Variants in CAMTA1 observed in about 807,000 individuals in gnomAD.
The protein encoded by CAMTA1 is calmodulin binding transcription activator 1, also known as calmodulin-binding transcription activator 1.
Under a neutral mutation model 170.9 loss-of-function variants are expected in CAMTA1, and 27 were observed. The observed-to-expected ratio is 0.16, with a 90% CI of 0.12 to 0.22. The LOEUF (loss-of-function observed/expected upper bound fraction) is 0.22. Among genes scored for constraint, CAMTA1 ranks in the 10% least tolerant of loss-of-function variants. CAMTA1 has a pLI of 1.00. For missense variants in CAMTA1, 1,619 were observed against 2,217.2 expected (o/e 0.73, Z 5.42); for synonymous variants, 833 against 891.5 (o/e 0.93, Z 1.17).
chr1:7,430,745 G>A (rs1227186036), intron 5 of CAMTA1, among the ~76,000 whole-genome samples: 1 of 152,194 alleles, frequency 6.6e-6, no homozygotes, highest in African/African-American at 2.4e-5. Context: ...AGGGAAGCCT[G>A]CTGGAGAGGC....
intron 6 of CAMTA1, among the ~76,000 whole-genome samples, chr1:7,516,571 G>T (rs574478990): frequency 6.6e-6 from 1 of 152,164 alleles, no homozygotes; most frequent in East Asian, 1.9e-4. Flanking sequence ...GCTCCTTGAG[G>T]TTCCTTCCTG....
At chr1:7,587,980 A>G (rs2095325151) in intron 6 of CAMTA1, among the ~76,000 whole-genome samples, 1 of 152,136 alleles carries the variant, frequency 6.6e-6, no homozygotes, top group Non-Finnish European at 1.5e-5. Context: ...CTGGGAGAAC[A>G]GGTCCTTGAT....
At chr1:6,967,481 G>T (rs1484479674) in intron 3 of CAMTA1, among the ~76,000 whole-genome samples, 4 of 152,120 alleles carry the variant, frequency 2.6e-5, no homozygotes, top group African/African-American at 9.7e-5. Context: ...TAGGGTCCTG[G>T]GAGGGTCTTT....
chr1:7,559,114 C>T (rs1490715954), intron 6 of CAMTA1, among the ~76,000 whole-genome samples: 2 of 152,182 alleles, frequency 1.3e-5, no homozygotes, highest in Non-Finnish European at 1.5e-5. Flanking sequence ...AGGAAGGAGG[C>T]GGCAGCTGGC....
At chr1:7,199,220 C>T (rs1328509502) in intron 4 of CAMTA1, among the ~76,000 whole-genome samples, 3 of 152,230 alleles carry the variant, frequency 2.0e-5, no homozygotes, top group African/African-American at 7.2e-5. Flanking sequence ...CCCGCCCCCA[C>T]GCCTCCACCC....
At chr1:6,880,443 G>A (rs1671246973) in intron 3 of CAMTA1, among the ~76,000 whole-genome samples, 1 of 138,866 alleles carries the variant, frequency 7.2e-6, no homozygotes, top group Non-Finnish European at 1.5e-5. Flanking sequence ...AGGCTGGAGT[G>A]CAATAACATG....
intron 5 of CAMTA1, among the ~76,000 whole-genome samples, chr1:7,431,394 G>A (rs1235973395): frequency 1.3e-5 from 2 of 152,210 alleles, no homozygotes; most frequent in Admixed American, 6.5e-5. Flanking sequence ...CTACCCCAGA[G>A]GACCCAGTCA....
intron 4 of CAMTA1, among the ~76,000 whole-genome samples, chr1:7,247,959 G>C (rs1485882720): frequency 2.0e-5 from 3 of 152,196 alleles, no homozygotes; most frequent in African/African-American, 4.8e-5. Flanking sequence ...AGTCGATACA[G>C]ACTTAGGGAG....
At position 7,275,231 on chromosome 1, in the gene CAMTA1, G is replaced by A. The variant is rs145302582; in HGVS notation, c.438+25605G>A. Reference sequence around the variant, plus strand: ...ACATAGAAAATGTATGGAGTACAGGGAAAGCAGATATTAGAAGGAAATTTA... The same window carrying A: ...ACATAGAAAATGTATGGAGTACAGGAAAAGCAGATATTAGAAGGAAATTTA... On this transcript the variant is annotated intron_variant, in intron 5 of 22. Transcript: ENST00000303635. Among the ~76,000 whole-genome samples the A allele has an allele frequency of 3.5e-3, 528 of 151,542 alleles. 3 individuals are homozygous for A. The highest frequency in any genetic ancestry group is 0.012 in the African/African-American group (505 of 41,340).
intron 3 of CAMTA1, among the ~76,000 whole-genome samples, chr1:6,909,651 A>C (rs1314742134): frequency 6.6e-6 from 1 of 152,212 alleles, no homozygotes; most frequent in Non-Finnish European, 1.5e-5. Flanking sequence ...CCTGCCTGTG[A>C]GTTTGCAATG....
intron 11 of CAMTA1, among the ~76,000 whole-genome samples, chr1:7,690,699 C>A (rs1215928907): frequency 6.6e-6 from 1 of 152,230 alleles, no homozygotes; most frequent in African/African-American, 2.4e-5. Context: ...CTGATGTGTA[C>A]CCATGTGTAG....
At chr1:7,581,103 C>T (rs1204710047) in intron 6 of CAMTA1, among the ~76,000 whole-genome samples, 2 of 152,304 alleles carry the variant, frequency 1.3e-5, no homozygotes, top group South Asian at 4.1e-4. Flanking sequence ...AGGGCCCCCG[C>T]CCCTCCTCCC....
In CAMTA1 at chr1:7,068,117, A is replaced by T. The variant is rs199519176; in HGVS notation, c.235-23187A>T. Among the ~76,000 whole-genome samples, 6 of 152,198 alleles carry T rather than the reference A, an allele frequency of 3.9e-5. No individual in the cohort carries two copies. In the East Asian group the frequency reaches 1.2e-3, roughly 29 times the overall value. On this transcript the variant is annotated intron_variant, in intron 3 of 22. Coordinates refer to ENST00000303635, the MANE Select transcript of CAMTA1 (RefSeq NM_015215.4). ...AGATGGTACATTTTCCTTCTTCTTT[A>T]AGGTAATTTAGGTTGGATTTTCTGT...
At chr1:7,345,837 C>G (rs916605667) in intron 5 of CAMTA1, among the ~76,000 whole-genome samples, 1 of 152,204 alleles carries the variant, frequency 6.6e-6, no homozygotes, top group African/African-American at 2.4e-5. Flanking sequence ...TGCCTTTCTG[C>G]TCCTAAATAC....
intron 6 of CAMTA1, among the ~76,000 whole-genome samples, chr1:7,478,937 A>C (rs372084195): frequency 6.6e-6 from 1 of 152,256 alleles, no homozygotes; most frequent in East Asian, 1.9e-4. Context: ...ACTTTGCCTC[A>C]AGGAAACACT....
chr1:6,832,227 G>A (rs977129403), intron 3 of CAMTA1, among the ~76,000 whole-genome samples: 3 of 151,898 alleles, frequency 2.0e-5, no homozygotes, highest in Non-Finnish European at 4.4e-5. Context: ...GGGATTATAG[G>A]TGCTCGCCAC....
At chr1:7,737,161 C>A in intron 14 of CAMTA1, 94 bp from the exon 15 acceptor site, 1 of 1,404,728 alleles carries the variant, frequency 7.1e-7, no homozygotes, top group Non-Finnish European at 9.9e-7. Context: ...AGATTGCCAG[C>A]AAGGACCAGT....
chr1:7,119,201 C>T (rs1049954497), intron 4 of CAMTA1, among the ~76,000 whole-genome samples: 8 of 152,166 alleles, frequency 5.3e-5, no homozygotes, highest in Non-Finnish European at 1.0e-4. Context: ...TTCATTAAAA[C>T]GACTCCTTTG....
At chr1:7,493,817 G>A (rs2093780819) in intron 6 of CAMTA1, among the ~76,000 whole-genome samples, 1 of 152,192 alleles carries the variant, frequency 6.6e-6, no homozygotes, top group African/African-American at 2.4e-5. Context: ...TTGTAGTCTT[G>A]TGGGTGTGTG....
Sources: gnomAD v4.1 joint callset for allele counts (sites outside exome capture counted in the v4.1 genomes callset) on GRCh38, gnomAD v4.1.1 for gene constraint, MANE v1.5 for transcripts, NCBI Gene and HGNC (gene_info 2026-07-23, HGNC 2026-07-21) for gene names.